NXPH1: variants seen among roughly 807,000 people sequenced by gnomAD.
NXPH1 encodes the protein neurexophilin-1.
Under a neutral mutation model 23.7 loss-of-function variants are expected in NXPH1, and 5 were observed. The ratio of observed to expected loss-of-function variants is 0.21; its 90% CI spans 0.11 to 0.44. The LOEUF (loss-of-function observed/expected upper bound fraction) is 0.44. NXPH1 is among the 20% of genes least tolerant of loss of function. The pLI, the probability that NXPH1 is intolerant of heterozygous loss-of-function variation, is 0.99. For synonymous variants in NXPH1, 144 were observed against 122.2 expected, an observed-to-expected ratio of 1.18 and a Z score of -1.18; for missense variants, 324 against 321.6, an observed-to-expected ratio of 1.01 and a Z score of -0.06.
chr7:8,604,009 A>C (rs548044242), intron 2 of NXPH1, among the ~76,000 whole-genome samples: 1 of 152,228 alleles, frequency 6.6e-6, no homozygotes, highest in South Asian at 2.1e-4. Flanking sequence ...TCTTGGGACA[A>C]ATGCAATGAA....
chr7:8,453,088 AAGAC>A (rs1396686785), intron 2 of NXPH1, among the ~76,000 whole-genome samples: 1 of 152,150 alleles, frequency 6.6e-6, no homozygotes, highest in Non-Finnish European at 1.5e-5. Context: ...AATGGTCTAA[AAGAC>A]AGAAAGAATT....
At chr7:8,638,357 G>A (rs2115140593) in intron 2 of NXPH1, among the ~76,000 whole-genome samples, 1 of 152,274 alleles carries the variant, frequency 6.6e-6, no homozygotes, top group Non-Finnish European at 1.5e-5. Context: ...ATTCACTGCG[G>A]GCCAACAACC....
At position 8,751,143 on chromosome 7, in the gene NXPH1, C is replaced by G. The variant is rs760936782; in HGVS notation, c.190C>G (p.Arg64Gly). 6.2e-7 allele frequency: 1 copy of G among 1,613,648 alleles called. No homozygotes were observed. Among genetic ancestry groups the G allele is most frequent in the South Asian group, 1.1e-5 (1 of 91,090 alleles). ...SISRLLSQTF[R>G]GKENDTDLDL... ...CAGCCGACTCCTGTCACAGACTTTT[C>G]GTGGCAAAGAGAATGATACAGATTT... The change falls in exon 3 of 3, where the codon CGT becomes GGT. Residue 64 changes from arginine (R) to glycine (G), a missense_variant. Physicochemically the swap from Arg to Gly is moderately radical, Grantham distance 125 (BLOSUM62 -2). Transcript: ENST00000405863. The surrounding 1 kb of genome is among the most constrained non-coding windows in gnomAD (Gnocchi z 4.5).
chr7:8,476,472 C>G (rs751930925), intron 2 of NXPH1, among the ~76,000 whole-genome samples: 8 of 150,028 alleles, frequency 5.3e-5, no homozygotes, highest in Non-Finnish European at 7.4e-5. Context: ...TTTTTTTTTC[C>G]TTTCTAACAT....
At chr7:8,636,104 T>A (rs1483816122) in intron 2 of NXPH1, among the ~76,000 whole-genome samples, 3 of 152,198 alleles carry the variant, frequency 2.0e-5, no homozygotes, top group African/African-American at 7.2e-5. Flanking sequence ...AAGATATCGT[T>A]TTCCGCCTAA....
rs1485270367 is a variant in NXPH1, at chr7:8,475,465, C to A, written c.54+39698C>A. ...GATTTACAGTTGAATAATAACTAAA[C>A]CCATGGAATGAAGATTTCTAAATAA... is the stretch of plus-strand genomic sequence containing the variant. On this transcript the variant is annotated intron_variant, in intron 2 of 2. Transcript: ENST00000405863. Among the ~76,000 whole-genome samples the A allele has an allele frequency of 2.6e-5, 4 of 152,016 alleles. No individual in the cohort carries two copies. In the East Asian group the frequency reaches 7.7e-4, roughly 29 times the overall value.
chr7:8,451,110 C>CTTTT (rs5882168), intron 2 of NXPH1, among the ~76,000 whole-genome samples: 3 of 139,468 alleles, frequency 2.2e-5, no homozygotes, highest in African/African-American at 5.3e-5. Context: ...AGGGATCTAG[C>CTTTT]TTTTTTTTTT....
intron 2 of NXPH1, among the ~76,000 whole-genome samples, chr7:8,476,639 A>G (rs1816977717): frequency 6.6e-6 from 1 of 152,038 alleles, no homozygotes; most frequent in Non-Finnish European, 1.5e-5. Context: ...ATGCAATGCT[A>G]TACATTATTT....
chr7:8,531,071 A>G (rs1817942384), intron 2 of NXPH1, among the ~76,000 whole-genome samples: 1 of 152,208 alleles, frequency 6.6e-6, no homozygotes, highest in Non-Finnish European at 1.5e-5. Flanking sequence ...GGCACTGAAC[A>G]GAGACACAAA....
chr7:8,634,622 C>A (rs549820178), intron 2 of NXPH1, among the ~76,000 whole-genome samples: 12 of 125,692 alleles, frequency 9.5e-5, no homozygotes, highest in Non-Finnish European at 1.5e-4. Flanking sequence ...GGAGTGAGTT[C>A]TTTCTTCTGC....
chr7:8,489,675 G>A (rs1817216591), intron 2 of NXPH1, among the ~76,000 whole-genome samples: 1 of 152,048 alleles, frequency 6.6e-6, no homozygotes, highest in African/African-American at 2.4e-5. Flanking sequence ...CAAGATTCCT[G>A]CTTTGCTATT....
chr7:8,611,788 C>T, intron 2 of NXPH1, among the ~76,000 whole-genome samples: 1 of 152,088 alleles, frequency 6.6e-6, no homozygotes, highest in East Asian at 1.9e-4. Context: ...GTAGGTGCAT[C>T]TATCCAGCCA....
At position 8,558,493 on chromosome 7, in the gene NXPH1, A is replaced by G. The variant is rs114400780; in HGVS notation, c.54+122726A>G. 4.9e-3 allele frequency among the ~76,000 whole-genome samples: 748 copies of G among 151,782 alleles called. 12 individuals are homozygous for G. The highest frequency in any genetic ancestry group is 0.017 in the African/African-American group (694 of 41,496). ...GTCTAGGAGACATTGGAGCCAATAA[A>G]GCTTAGTTACTACATAAAATGATAT... On this transcript the variant is annotated intron_variant, in intron 2 of 2. Coordinates refer to ENST00000405863, the MANE Select transcript of NXPH1 (RefSeq NM_152745.3).
At chr7:8,466,428 T>C in intron 2 of NXPH1, among the ~76,000 whole-genome samples, 1 of 152,150 alleles carries the variant, frequency 6.6e-6, no homozygotes, top group East Asian at 1.9e-4. Context: ...AAGGAACAGA[T>C]TAGGCTGCTC....
At chr7:8,496,801 G>A (rs911682689) in intron 2 of NXPH1, among the ~76,000 whole-genome samples, 6 of 152,024 alleles carry the variant, frequency 3.9e-5, no homozygotes, top group African/African-American at 1.4e-4. Flanking sequence ...CTTATGCTCA[G>A]ATATATCTAT....
At chr7:8,471,277 T>C (rs1242697363) in intron 2 of NXPH1, among the ~76,000 whole-genome samples, 1 of 152,156 alleles carries the variant, frequency 6.6e-6, no homozygotes, top group Non-Finnish European at 1.5e-5. Context: ...AGAAAAGCTG[T>C]GCTTAAGGGA....
At chr7:8,636,536 G>A (rs1299798521) in intron 2 of NXPH1, among the ~76,000 whole-genome samples, 2 of 152,104 alleles carry the variant, frequency 1.3e-5, no homozygotes, top group Admixed American at 6.6e-5. Context: ...AAAAGGAAAG[G>A]GCAAACCAAG....
intron 2 of NXPH1, among the ~76,000 whole-genome samples, chr7:8,625,775 G>T (rs1292868877): frequency 6.6e-6 from 1 of 152,028 alleles, no homozygotes; most frequent in Non-Finnish European, 1.5e-5. Flanking sequence ...TATGATTCAG[G>T]CATCATCTGT....
chr7:8,651,987 G>A (rs940934588), intron 2 of NXPH1, among the ~76,000 whole-genome samples: 7 of 151,984 alleles, frequency 4.6e-5, no homozygotes. Context: ...TAAGGCCATT[G>A]ATCCTCCCAC....
Sources: allele counts gnomAD v4.1 joint callset (sites outside exome capture counted in the v4.1 genomes callset), GRCh38; gene constraint gnomAD v4.1.1; non-coding constraint Gnocchi (gnomAD v3.1); transcripts MANE v1.5; gene names NCBI Gene and HGNC (gene_info 2026-07-23, HGNC 2026-07-21).